FRRS1L: variants seen among roughly 807,000 people sequenced by gnomAD.
FRRS1L encodes ferric chelate reductase 1 like.
Under a neutral mutation model 28.6 loss-of-function variants are expected in FRRS1L, and 22 were observed. The observed-to-expected ratio is 0.77, with a 90% CI of 0.55 to 1.10. The LOEUF (loss-of-function observed/expected upper bound fraction) is 1.10, where lower values mean the gene tolerates loss of function less well. Ranked by LOEUF, FRRS1L falls within the 50% of genes least tolerant of loss-of-function variation. FRRS1L has a pLI of 0.00. For missense variants in FRRS1L, 380 were observed against 386.9 expected (o/e 0.98, Z 0.15); for synonymous variants, 158 against 151.4 (o/e 1.04, Z -0.32).
Position 109,137,519 on chromosome 9 carries a change from G to A in FRRS1L, c.818C>T (p.Ser273Leu), listed in dbSNP as rs747814314. The change falls in exon 5 of 5, where the codon TCA (serine) becomes TTA (leucine). Residue 273 changes from serine (S) to leucine (L), a missense_variant. Ser to Leu is a moderately radical substitution (Grantham distance 145). Coordinates refer to ENST00000561981, the MANE Select transcript of FRRS1L (RefSeq NM_014334.4). ...AATCAGAAGCAAACAAAATGGAGAT[G>A]AGAAGGTTTGATAGGCAGCTGATGG... ...FMPSAAYQTF[S>L]SPFCLLLIVA... is the part of the protein sequence containing the mutation. 4 of 1,613,292 alleles carry A rather than the reference G, an allele frequency of 2.5e-6. No individual in the cohort carries two copies. The Admixed American group carries it at 6.7e-5, about 27-fold the overall frequency.
At chr9:109,163,837 A>C (rs1831509550) in intron 1 of FRRS1L, among the ~76,000 whole-genome samples, 1 of 152,208 alleles carries the variant, frequency 6.6e-6, no homozygotes, top group African/African-American at 2.4e-5. Flanking sequence ...GCACTTCTTC[A>C]CTTGCCACGT....
chr9:109,150,586 T>C (rs1049124634), intron 1 of FRRS1L: 5 of 152,124 alleles, frequency 3.3e-5, no homozygotes, highest in African/African-American at 1.2e-4. Flanking sequence ...CTTACCACCA[T>C]AATGCATCAA....
At chr9:109,138,484 T>A (rs1270774569) in intron 4 of FRRS1L, 1 of 152,124 alleles carries the variant, frequency 6.6e-6, no homozygotes, top group Non-Finnish European at 1.5e-5. Flanking sequence ...GTTTTTAAGG[T>A]CCTATCTGCT....
In FRRS1L at chr9:109,137,082, T is replaced by C. The variant is rs1490660513; in HGVS notation, c.*373A>G. 6.5e-6 allele frequency: 1 copy of C among 154,982 alleles called. No homozygotes were observed. Among genetic ancestry groups the C allele is most frequent in the Non-Finnish European group, 1.4e-5 (1 of 69,916 alleles). The allele number at this position is 154,982 out of a possible 1,614,324, so 9.6% of individuals were successfully genotyped here. A position where few individuals can be genotyped will look rare whatever the true frequency, so the allele number is the denominator to read the frequency against. Reference sequence around the variant, plus strand: ...ACTTAGTTCCTTCTCTGCCTTTCTATTTGTCATTTCTAGCCAAAGTTATAT... The same window carrying C: ...ACTTAGTTCCTTCTCTGCCTTTCTACTTGTCATTTCTAGCCAAAGTTATAT... On this transcript the variant is annotated 3_prime_UTR_variant, in exon 5 of 5. Transcript: ENST00000561981.
Position 109,131,426 on chromosome 9 carries a change from G to C in FRRS1L, c.*6029C>G, listed in dbSNP as rs1831055583. On this transcript the variant is annotated 3_prime_UTR_variant, in exon 5 of 5. Transcript: ENST00000561981. ...AATGTTCTACCTCTTGGGTTTTAAA[G>C]TAGGCAAGAGATCAGAAACAGAAAC... 6.6e-6 allele frequency: 1 copy of C among 152,186 alleles called. No individual in the cohort carries two copies. The highest frequency in any genetic ancestry group is 1.5e-5 in the Non-Finnish European group (1 of 68,022). The allele number at this position is 152,186 out of a possible 1,614,324, so 9.4% of individuals were successfully genotyped here.
intron 1 of FRRS1L, among the ~76,000 whole-genome samples, chr9:109,161,027 G>C (rs895731941): frequency 3.3e-5 from 5 of 151,818 alleles, no homozygotes; most frequent in Non-Finnish European, 7.4e-5. Flanking sequence ...CTGACCTCAG[G>C]TGATCTGCCG....
At position 109,147,082 on chromosome 9, in the gene FRRS1L, A is replaced by G; in HGVS notation, c.431T>C (p.Val144Ala). The G allele has an allele frequency of 6.2e-7, 1 of 1,613,906 alleles. No homozygotes were observed. The highest frequency in any genetic ancestry group is 8.5e-7 in the Non-Finnish European group (1 of 1,179,780). Residue 144 changes from valine (V) to alanine (A), a missense_variant, in exon 3 of 5, where the codon GTA (valine) becomes GCA (alanine). Val to Ala is a moderately conservative substitution (Grantham distance 64). Transcript: ENST00000561981. ...CTTGTCTGAAGAGAATCCAACTGCT[A>G]CCCAACCATCTGTGTCTGCACTCAG... Reference protein sequence around the residue: ...FELSADTDGWVAVGFSSDKKM... With the variant: ...FELSADTDGWAAVGFSSDKKM...
In FRRS1L at chr9:109,131,978, A is replaced by ATTTTATTTTAC; in HGVS notation, c.*5476_*5477insGTAAAATAAAA. 6.8e-6 allele frequency: 1 copy of ATTTTATTTTAC among 147,672 alleles called. No homozygotes were observed. The highest frequency in any genetic ancestry group is 2.0e-4 in the East Asian group (1 of 5,090). The allele number at this position is 147,672 out of a possible 1,614,324, so 9.1% of individuals were successfully genotyped here. ...CTTTTATTTTATTTTATTTTATTTTATTTATTTATTTTTTAGACGGAGTCT... is the reference window on the plus strand; with the variant it reads ...CTTTTATTTTATTTTATTTTATTTTATTTTATTTTACTTTATTTATTTTTTAGACGGAGTCT... On this transcript the variant is annotated 3_prime_UTR_variant, in exon 5 of 5. Transcript: ENST00000561981.
At chr9:109,144,808 C>T (rs1021507943) in intron 3 of FRRS1L, among the ~76,000 whole-genome samples, 11 of 151,558 alleles carry the variant, frequency 7.3e-5, no homozygotes, top group Admixed American at 5.9e-4. Context: ...CTCAGCCTCT[C>T]GAGTAGCTGG....
intron 3 of FRRS1L, among the ~76,000 whole-genome samples, chr9:109,144,526 G>A (rs375067891): frequency 2.0e-5 from 3 of 151,146 alleles, no homozygotes; most frequent in South Asian, 4.2e-4. Flanking sequence ...CACCATACCC[G>A]GCTAAGTTTT....
At position 109,141,437 on chromosome 9, in the gene FRRS1L, T is replaced by A. The variant is rs767543758; in HGVS notation, c.615A>T (p.Arg205Ser). The A allele has an allele frequency of 1.2e-6, 2 of 1,614,030 alleles. No homozygotes were observed. Among genetic ancestry groups the A allele is most frequent in the Non-Finnish European group, 1.7e-6 (2 of 1,180,022 alleles). ...TGGGAACATTCACAGGGCGTTTAAA[T>A]CTGCAGGTGACGCGATTGTTCTCAA... ...GVFENNRVTCRFKRPVNVPRD... is the reference protein window; with the variant it reads ...GVFENNRVTCSFKRPVNVPRD... Residue 205 changes from arginine to serine, a missense_variant, in exon 4 of 5, where the codon AGA becomes AGT. Transcript: ENST00000561981.
intron 3 of FRRS1L, among the ~76,000 whole-genome samples, chr9:109,146,719 C>A (rs1002580881): frequency 6.6e-6 from 1 of 152,148 alleles, no homozygotes; most frequent in African/African-American, 2.4e-5. Flanking sequence ...ATGAACCCCA[C>A]CTAAAATGAG....
intron 1 of FRRS1L, among the ~76,000 whole-genome samples, chr9:109,156,238 C>T (rs915379989): frequency 3.3e-5 from 5 of 152,176 alleles, no homozygotes; most frequent in Admixed American, 3.3e-4. Context: ...ATTGGTCATG[C>T]CAGAAATTTG....
intron 1 of FRRS1L, among the ~76,000 whole-genome samples, chr9:109,166,584 C>T (rs1831552642): frequency 6.6e-6 from 1 of 152,102 alleles, no homozygotes; most frequent in African/African-American, 2.4e-5. Flanking sequence ...GATCTAAGAA[C>T]TGGGGGAGCT....
intron 3 of FRRS1L, among the ~76,000 whole-genome samples, chr9:109,145,042 C>A (rs1256284231): frequency 6.6e-6 from 1 of 152,206 alleles, no homozygotes; most frequent in African/African-American, 2.4e-5. Flanking sequence ...TGTAGCCCCA[C>A]ACAAGCCTCA....
chr9:109,139,180 CAG>C (rs1327472749), intron 4 of FRRS1L: 4 of 151,490 alleles, frequency 2.6e-5, no homozygotes, highest in Non-Finnish European at 4.4e-5. Context: ...GCCTGGGCGA[CAG>C]AGTGAGACTC....
intron 1 of FRRS1L, among the ~76,000 whole-genome samples, chr9:109,152,509 GAAC>G (rs1269942196): frequency 6.6e-6 from 1 of 150,556 alleles, no homozygotes; most frequent in African/African-American, 2.4e-5. Context: ...GTCTCTTTAA[GAAC>G]AACAAGTTTC....
At position 109,136,189 on chromosome 9, in the gene FRRS1L, C is replaced by T. The variant is rs988607220; in HGVS notation, c.*1266G>A. On this transcript the variant is annotated 3_prime_UTR_variant, in exon 5 of 5. Transcript: ENST00000561981. Reference sequence around the variant, plus strand: ...GGAGGTTGCAGTGAAGCTGAGATCACACCATTGTACTCCAGCCTGGGCGAC... The same window carrying T: ...GGAGGTTGCAGTGAAGCTGAGATCATACCATTGTACTCCAGCCTGGGCGAC... 3 of 150,556 alleles carry T rather than the reference C, an allele frequency of 2.0e-5. No homozygotes were observed. Among genetic ancestry groups the T allele is most frequent in the African/African-American group, 2.4e-5 (1 of 40,824 alleles). The allele number at this position is 150,556 out of a possible 1,614,324, so 9.3% of individuals were successfully genotyped here.
At position 109,167,075 on chromosome 9, in the gene FRRS1L, C is replaced by T. The variant is rs1831564172; in HGVS notation, c.64G>A (p.Gly22Arg). The T allele has an allele frequency of 8.5e-7, 1 of 1,179,044 alleles. No homozygotes were observed. The highest frequency in any genetic ancestry group is 1.0e-6 in the Non-Finnish European group (1 of 957,498). The allele number at this position is 1,179,044 out of a possible 1,614,324, so 73.0% of individuals were successfully genotyped here. The change falls in exon 1 of 5, where the codon GGG becomes AGG. Residue 22 changes from glycine (G) to arginine (R), a missense_variant. Coordinates refer to ENST00000561981, the MANE Select transcript of FRRS1L (RefSeq NM_014334.4). ...GGGCTGGCTGCGCAGGCGGCGGGCC[C>T]CGTCAGTAGCAGCAGGAGCAGCGAC... ...WASLLLLLLTGPAACAASPAD... is the reference protein window; with the variant it reads ...WASLLLLLLTRPAACAASPAD...
Sources: gnomAD v4.1 joint callset for allele counts (sites outside exome capture counted in the v4.1 genomes callset) on GRCh38, gnomAD v4.1.1 for gene constraint, MANE v1.5 for transcripts, NCBI Gene and HGNC (gene_info 2026-07-23, HGNC 2026-07-21) for gene names.